ATP13A4: variants seen among roughly 807,000 people sequenced by gnomAD.
ATP13A4 encodes the protein ATPase 13A4.
ATP13A4 carries 114 observed loss-of-function variants against 142.5 expected under a neutral mutation model. The ratio of observed to expected loss-of-function variants is 0.80; its 90% CI spans 0.69 to 0.93. ATP13A4 has a LOEUF of 0.93. Among genes scored for constraint, ATP13A4 ranks in the 40% least tolerant of loss-of-function variants. The pLI is 0.00. For missense variants in ATP13A4, 1,392 were observed against 1,454.0 expected, an observed-to-expected ratio of 0.96 and a Z score of 0.69; for synonymous variants, 488 against 514.8, an observed-to-expected ratio of 0.95 and a Z score of 0.70.
intron 1 of ATP13A4, among the ~76,000 whole-genome samples, chr3:193,532,639 A>C (rs887264693): frequency 1.1e-4 from 17 of 152,010 alleles, no homozygotes; most frequent in African/African-American, 4.1e-4. Flanking sequence ...AGTTCTGCCC[A>C]TTTACCATCA....
intron 23 of ATP13A4, 54 bp downstream of exon 23, chr3:193,438,421 T>A (rs145999767): frequency 2.1e-6 from 3 of 1,409,778 alleles, no homozygotes; most frequent in Non-Finnish European, 3.0e-6. Flanking sequence ...AACAATGTGA[T>A]TTGCACCAGA....
Position 193,448,275 on chromosome 3 carries a change from A to G in ATP13A4, c.2083T>C (p.Leu695=), listed in dbSNP as rs543094231. ...AAGACAGGTTTTGTCTCTTCCTTCAATCGATTCTCCAAGATCAGCAGCCCC... is the reference window on the plus strand; with the variant it reads ...AAGACAGGTTTTGTCTCTTCCTTCAGTCGATTCTCCAAGATCAGCAGCCCC... ...FLGLLILENR[L]KEETKPVLEE... The change falls in exon 18 of 30, where the codon TTG becomes CTG. Residue 695 remains leucine (L), a synonymous_variant. Transcript: ENST00000342695. The G allele has an allele frequency of 2.5e-6, 4 of 1,614,144 alleles. No homozygotes were observed. The highest frequency in any genetic ancestry group is 4.5e-5 in the East Asian group (2 of 44,886).
chr3:193,555,390 G>C (rs1293470543), upstream of ATP13A4, among the ~76,000 whole-genome samples: 1 of 152,044 alleles, frequency 6.6e-6, no homozygotes, highest in Admixed American at 6.5e-5. Flanking sequence ...CTCTTCAAAA[G>C]GTATTTGTAA....
At chr3:193,410,769 T>C (rs1214311932) in intron 28 of ATP13A4, among the ~76,000 whole-genome samples, 1 of 152,172 alleles carries the variant, frequency 6.6e-6, no homozygotes, top group Non-Finnish European at 1.5e-5. Context: ...TTAAAGGCTG[T>C]CTTTAATCTC....
At chr3:193,508,828 G>T (rs1163825336) in intron 2 of ATP13A4, among the ~76,000 whole-genome samples, 1 of 152,058 alleles carries the variant, frequency 6.6e-6, no homozygotes, top group Non-Finnish European at 1.5e-5. Context: ...TAAAATTCTG[G>T]TAGAAACAGT....
rs1192277537 is a variant in ATP13A4 at position 193,457,120 on chromosome 3, A to G, written c.1795T>C (p.Phe599Leu). Reference protein sequence around the residue: ...PVEGIAILHQFPFSSALQRMT... With the variant: ...PVEGIAILHQLPFSSALQRMT... Reference sequence around the variant, plus strand: ...CTTTGCAGTGCCGATGAGAATGGGAACTGATGCAGGATTGCAATTCCTTCC... The same window carrying G: ...CTTTGCAGTGCCGATGAGAATGGGAGCTGATGCAGGATTGCAATTCCTTCC... Residue 599 changes from phenylalanine to leucine, a missense_variant, in exon 16 of 30, where the codon TTC becomes CTC. Coordinates refer to ENST00000342695, the MANE Select transcript of ATP13A4 (RefSeq NM_032279.4). 1 of 1,613,396 alleles carries G rather than the reference A, an allele frequency of 6.2e-7. No individual in the cohort carries two copies. Among genetic ancestry groups the G allele is most frequent in the Non-Finnish European group, 8.5e-7 (1 of 1,180,040 alleles).
chr3:193,534,557 C>G (rs1722494635), intron 1 of ATP13A4, among the ~76,000 whole-genome samples: 1 of 151,852 alleles, frequency 6.6e-6, no homozygotes, highest in Non-Finnish European at 1.5e-5. Context: ...AATATTAGAA[C>G]TAAATAATAC....
chr3:193,440,811 A>AT (rs1212215612), intron 20 of ATP13A4, among the ~76,000 whole-genome samples, 174 bp from the exon 21 acceptor site: 5 of 152,216 alleles, frequency 3.3e-5, no homozygotes, highest in African/African-American at 1.2e-4. Flanking sequence ...TGGTCATCAG[A>AT]TAAGTGATCA....
At chr3:193,403,328 T>A (rs1005375605) in intron 29 of ATP13A4, among the ~76,000 whole-genome samples, 3 of 152,224 alleles carry the variant, frequency 2.0e-5, no homozygotes, top group African/African-American at 7.2e-5. Flanking sequence ...TATCACTGCA[T>A]ATTTAATTTC....
At chr3:193,578,095 A>G (rs1002154516) in intron 2 of ATP13A4, among the ~76,000 whole-genome samples, 1 of 152,012 alleles carries the variant, frequency 6.6e-6, no homozygotes, top group African/African-American at 2.4e-5. Context: ...GGAGTTCAAG[A>G]CCAGCCTGGC....
At chr3:193,418,565 C>G (rs1715236404) in intron 25 of ATP13A4, among the ~76,000 whole-genome samples, 1 of 149,388 alleles carries the variant, frequency 6.7e-6, no homozygotes, top group Admixed American at 6.9e-5. Flanking sequence ...CATCCAACAC[C>G]CCACTCTCTA....
At chr3:193,463,426 A>G (rs1718077904) in intron 12 of ATP13A4, among the ~76,000 whole-genome samples, 1 of 73,200 alleles carries the variant, frequency 1.4e-5, no homozygotes, top group African/African-American at 7.9e-5. Context: ...CTATTTGGTA[A>G]AAAAAAAAAA....
Position 193,470,870 on chromosome 3 carries a change from C to T in ATP13A4, c.932G>A (p.Gly311Asp), listed in dbSNP as rs1359451982. 1 of 1,614,094 alleles carries T rather than the reference C, an allele frequency of 6.2e-7. No individual in the cohort carries two copies. The highest frequency in any genetic ancestry group is 1.7e-5 in the Admixed American group (1 of 60,030). The change falls in exon 9 of 30, where the codon GGC becomes GAC. Residue 311 changes from glycine to aspartate, a missense_variant. Physicochemically the swap from Gly to Asp is moderately conservative, Grantham distance 94. Transcript: ENST00000342695. ...AGATGGAACTGTACCTGTCAGCATG[C>T]CTTCATCCACCACACAGCTGCCTTC... Reference protein sequence around the residue: ...LIEGSCVVDEGMLTGESIPVT... With the variant: ...LIEGSCVVDEDMLTGESIPVT...
intron 1 of ATP13A4, among the ~76,000 whole-genome samples, chr3:193,525,810 A>C (rs1383751641): frequency 6.6e-6 from 1 of 152,222 alleles, no homozygotes; most frequent in Non-Finnish European, 1.5e-5. Flanking sequence ...GTTTGTGCCT[A>C]AACAAGGGCC....
At chr3:193,518,242 G>T (rs1334295598) in intron 1 of ATP13A4, among the ~76,000 whole-genome samples, 1 of 152,194 alleles carries the variant, frequency 6.6e-6, no homozygotes, top group Non-Finnish European at 1.5e-5. Context: ...ATGTACTGTG[G>T]TGTGTCCACA....
Position 193,411,037 on chromosome 3 carries a change from C to A in ATP13A4, c.3242G>T (p.Gly1081Val). 3 of 1,610,932 alleles carry A rather than the reference C, an allele frequency of 1.9e-6. No homozygotes were observed. Among genetic ancestry groups the A allele is most frequent in the Non-Finnish European group, 2.5e-6 (3 of 1,177,436 alleles). Residue 1081 changes from glycine to valine, a missense_variant, in exon 28 of 30, where the codon GGT becomes GTT. Physicochemically the swap from Gly to Val is moderately radical, Grantham distance 109. Transcript: ENST00000342695. ...AGCAAATAGAATGAATAGACATACA[C>A]CAAGCTGTATTATCAGCACAAGGAC... ...IFVLVLIIQL[G>V]VCLFILFADI...
At chr3:193,455,478 A>G (rs912721165) in intron 16 of ATP13A4, among the ~76,000 whole-genome samples, 1 of 152,218 alleles carries the variant, frequency 6.6e-6, no homozygotes, top group African/African-American at 2.4e-5. Flanking sequence ...TCAAAACCAC[A>G]GTGAGATACC....
chr3:193,579,836 T>C (rs1412328742), intron 2 of ATP13A4, among the ~76,000 whole-genome samples: 1 of 152,208 alleles, frequency 6.6e-6, no homozygotes, highest in Non-Finnish European at 1.5e-5. Flanking sequence ...GCACACTATG[T>C]GCCAAGCACT....
Position 193,459,169 on chromosome 3 carries a change from G to A in ATP13A4, c.1586C>T (p.Ala529Val), listed in dbSNP as rs773256436. ...QALPWGPLCA[A>V]MASCHSLILL... The stretch of plus-strand genomic sequence containing the variant: ...GATCAGAGAGTGGCAGCTGGCCATC[G>A]CTGCACACAGTGGGCCCCATGGCAA... Residue 529 changes from alanine to valine, a missense_variant, in exon 14 of 30, where the codon GCG becomes GTG. Transcript: ENST00000342695. The A allele has an allele frequency of 1.1e-5, 18 of 1,614,102 alleles. No homozygotes were observed. The highest frequency in any genetic ancestry group is 2.2e-5 in the East Asian group (1 of 44,884).
Sources: allele counts gnomAD v4.1 joint callset (sites outside exome capture counted in the v4.1 genomes callset), GRCh38; gene constraint gnomAD v4.1.1; transcripts MANE v1.5; gene names NCBI Gene and HGNC (gene_info 2026-07-23, HGNC 2026-07-21).